KLHL32: variants seen among roughly 807,000 people sequenced by gnomAD.
KLHL32 encodes the protein kelch-like protein 32.
In KLHL32, 35 loss-of-function variants were observed where a neutral mutation model predicts 64.8. The ratio of observed to expected loss-of-function variants is 0.54; its 90% CI spans 0.41 to 0.72. The LOEUF is 0.72. Among genes scored for constraint, KLHL32 ranks in the 30% least tolerant of loss-of-function variants. KLHL32 has a pLI of 0.00. For synonymous variants in KLHL32, 259 were observed against 281.0 expected, an observed-to-expected ratio of 0.92 and a Z score of 0.78; for missense variants, 589 against 768.5, an observed-to-expected ratio of 0.77 and a Z score of 2.76.
In KLHL32 at chr6:96,932,564, T is replaced by TCC. The variant is rs34910862; in HGVS notation, c.-66+7548_-66+7549dup. On this transcript the variant is annotated intron_variant, in intron 1 of 10. Transcript: ENST00000369261. Reference sequence around the variant, plus strand: ...GTACTGTTTCACAAAGTTGTCAATTTCCCCCCCCCCCTTTTTTTTTTTGAG... The same window carrying TCC: ...GTACTGTTTCACAAAGTTGTCAATTTCCCCCCCCCCCCCTTTTTTTTTTTGAG... Among the ~76,000 whole-genome samples the TCC allele has an allele frequency of 2.7e-3, 312 of 114,300 alleles. 2 individuals are homozygous for TCC. Among genetic ancestry groups the TCC allele is most frequent in the African/African-American group, 6.2e-3 (182 of 29,262 alleles). The allele number at this position is 114,300 out of a possible 152,430, so 75.0% of individuals were successfully genotyped here.
At chr6:96,983,695 G>A (rs1054809585) in intron 3 of KLHL32, among the ~76,000 whole-genome samples, 4 of 152,134 alleles carry the variant, frequency 2.6e-5, no homozygotes, top group Non-Finnish European at 4.4e-5. Context: ...TTCTCTGATG[G>A]TAGTTTGTAT....
intron 6 of KLHL32, among the ~76,000 whole-genome samples, chr6:97,098,455 A>T (rs1795282580): frequency 6.6e-6 from 1 of 152,198 alleles, no homozygotes; most frequent in African/African-American, 2.4e-5. Flanking sequence ...GAAAACAATT[A>T]AGTCTATAGA....
intron 1 of KLHL32, among the ~76,000 whole-genome samples, chr6:96,944,941 G>A (rs1367362345): frequency 2.0e-5 from 3 of 152,148 alleles, no homozygotes; most frequent in Non-Finnish European, 4.4e-5. Flanking sequence ...AAGAATGATC[G>A]TCTTTACTCT....
intron 4 of KLHL32, among the ~76,000 whole-genome samples, chr6:97,046,796 G>T (rs1182955171): frequency 6.6e-6 from 1 of 152,180 alleles, no homozygotes; most frequent in Non-Finnish European, 1.5e-5. Flanking sequence ...GTGAGTGAAA[G>T]CATAATTCTT....
intron 6 of KLHL32, among the ~76,000 whole-genome samples, chr6:97,092,602 T>G (rs1017445802): frequency 1.3e-5 from 2 of 152,154 alleles, no homozygotes; most frequent in Non-Finnish European, 1.5e-5. Flanking sequence ...GCCCAGAGGA[T>G]GTTTTATCCT....
Position 96,967,991 on chromosome 6 carries a change from C to A in KLHL32, c.23+908C>A, listed in dbSNP as rs187486410. Among the ~76,000 whole-genome samples, 404 of 152,276 alleles carry A rather than the reference C, an allele frequency of 2.7e-3. 2 individuals carry two copies. Among genetic ancestry groups the A allele is most frequent in the Non-Finnish European group, 4.5e-3 (303 of 68,014 alleles). ...TCTGAGGGAACAGTCAAAATATCTT[C>A]AGAGCAAAGAATAAGAGAGATGACA... On this transcript the variant is annotated intron_variant, in intron 2 of 10. Coordinates refer to ENST00000369261, the MANE Select transcript of KLHL32 (RefSeq NM_052904.4).
intron 3 of KLHL32, among the ~76,000 whole-genome samples, chr6:96,980,179 G>GC (rs112122686): frequency 0.011 from 1,691 of 152,160 alleles, 41 homozygotes; most frequent in African/African-American, 0.039. Context: ...GATCACTCTG[G>GC]CTAGGACTTC....
At chr6:97,138,360 G>A (rs1460499625) in intron 10 of KLHL32, among the ~76,000 whole-genome samples, 2 of 152,000 alleles carry the variant, frequency 1.3e-5, no homozygotes, top group African/African-American at 4.8e-5. Flanking sequence ...ACAACATGGC[G>A]AGAGCCCATC....
rs144113690 is a variant in KLHL32 at position 96,990,348 on chromosome 6, G to A, written c.204+14171G>A. 3.9e-5 allele frequency among the ~76,000 whole-genome samples: 6 copies of A among 152,092 alleles called. No homozygotes were observed. In the East Asian group the frequency reaches 9.7e-4, roughly 25 times the overall value. On this transcript the variant is annotated intron_variant, in intron 3 of 10. Coordinates refer to ENST00000369261, the MANE Select transcript of KLHL32 (RefSeq NM_052904.4). ...TTGTCCTTGTTTTTATGGGGGTGGG[G>A]GTTATGTTAGCAAGTATTTTTGGTG... is the stretch of plus-strand genomic sequence containing the variant.
intron 6 of KLHL32, among the ~76,000 whole-genome samples, chr6:97,096,594 G>T (rs1583014214): frequency 2.0e-5 from 3 of 152,224 alleles, no homozygotes; most frequent in African/African-American, 7.2e-5. Context: ...GCCTATTGCA[G>T]AATTTTTAAT....
intron 10 of KLHL32, among the ~76,000 whole-genome samples, chr6:97,135,441 G>A (rs1236109242): frequency 1.3e-5 from 2 of 151,356 alleles, no homozygotes; most frequent in Admixed American, 1.3e-4. Context: ...GAGTAACTGG[G>A]ATTTCAGGCA....
At chr6:97,097,885 A>C (rs1398952373) in intron 6 of KLHL32, among the ~76,000 whole-genome samples, 1 of 152,200 alleles carries the variant, frequency 6.6e-6, no homozygotes, top group African/African-American at 2.4e-5. Flanking sequence ...AAATGCAGTA[A>C]ATTCAAAATG....
intron 1 of KLHL32, among the ~76,000 whole-genome samples, chr6:96,925,958 G>A (rs564016422): frequency 6.6e-6 from 1 of 151,470 alleles, no homozygotes; most frequent in Non-Finnish European, 1.5e-5. Context: ...TTTGCTTTTT[G>A]TTTTTTTTCT....
chr6:97,000,821 T>C (rs1410209462), intron 3 of KLHL32, among the ~76,000 whole-genome samples: 1 of 152,214 alleles, frequency 6.6e-6, no homozygotes, highest in East Asian at 1.9e-4. Flanking sequence ...AACTATGCTA[T>C]ATTCATAAAA....
intron 3 of KLHL32, among the ~76,000 whole-genome samples, chr6:96,983,780 A>G (rs113043462): frequency 0.011 from 1,686 of 151,822 alleles, 40 homozygotes; most frequent in African/African-American, 0.039. Flanking sequence ...TTTCTTCTTT[A>G]TTAGTCTTGC....
chr6:97,011,394 GT>G (rs571835883), intron 3 of KLHL32, among the ~76,000 whole-genome samples: 118 of 152,292 alleles, frequency 7.7e-4, no homozygotes, highest in Non-Finnish European at 1.4e-3. Flanking sequence ...AATGAGACAA[GT>G]TTTCTAATAG....
At chr6:97,084,719 C>A (rs1793124512) in intron 5 of KLHL32, among the ~76,000 whole-genome samples, 1 of 152,148 alleles carries the variant, frequency 6.6e-6, no homozygotes, top group African/African-American at 2.4e-5. Context: ...GTCATCTAAT[C>A]ATGAATCGCC....
At chr6:97,065,891 G>C (rs1789663977) in intron 5 of KLHL32, among the ~76,000 whole-genome samples, 1 of 152,112 alleles carries the variant, frequency 6.6e-6, no homozygotes, top group South Asian at 2.1e-4. Context: ...GTGTGAGGAA[G>C]GTCAGCCATG....
chr6:97,007,503 G>C (rs1432682932), intron 3 of KLHL32, among the ~76,000 whole-genome samples: 1 of 152,132 alleles, frequency 6.6e-6, no homozygotes, highest in African/African-American at 2.4e-5. Context: ...ATTTCAGCCT[G>C]GTTAAGAACC....
Sources: allele counts gnomAD v4.1 joint callset (sites outside exome capture counted in the v4.1 genomes callset), GRCh38; gene constraint gnomAD v4.1.1; transcripts MANE v1.5; gene names NCBI Gene and HGNC (gene_info 2026-07-23, HGNC 2026-07-21).